The following ARPC1A variants were observed in gnomAD, a reference collection of about 807,000 sequenced individuals.
The protein encoded by ARPC1A is actin-related protein 2/3 complex subunit 1A.
ARPC1A carries 8 observed loss-of-function variants against 46.9 expected under a neutral mutation model. The ratio of observed to expected loss-of-function variants is 0.17; its 90% CI spans 0.10 to 0.31. The LOEUF is 0.31. Among genes scored for constraint, ARPC1A ranks in the 10% least tolerant of loss-of-function variants. The probability of loss-of-function intolerance (pLI) is 1.00; values close to 1 mark genes in which losing one functional copy is unlikely to be tolerated. For missense variants in ARPC1A, 286 were observed against 483.6 expected (o/e 0.59, Z 3.83); for synonymous variants, 152 against 169.0 (o/e 0.90, Z 0.78).
At chr7:99,329,673 A>G (rs1165178915) in intron 1 of ARPC1A, among the ~76,000 whole-genome samples, 1 of 152,254 alleles carries the variant, frequency 6.6e-6, no homozygotes, top group Admixed American at 6.5e-5. Flanking sequence ...ATATGGCAAA[A>G]TTAGAAATGC....
rs113463678 is a variant in ARPC1A at position 99,354,354 on chromosome 7, C to T, written c.713+233C>T. ...TGGCCAAGATGGTGAAACCCTGTCT[C>T]TACTAAAAATAAAAAAAATTATCCA... On this transcript the variant is annotated intron_variant, in intron 6 of 9. Coordinates refer to ENST00000262942, the MANE Select transcript of ARPC1A (RefSeq NM_006409.4). 8.1e-3 allele frequency among the ~76,000 whole-genome samples: 1,226 copies of T among 151,300 alleles called. 17 individuals are homozygous for T. The highest frequency in any genetic ancestry group is 0.026 in the African/African-American group (1,084 of 41,214).
intron 9 of ARPC1A, 148 bp downstream of exon 9, chr7:99,363,781 C>G: frequency 1.6e-6 from 1 of 609,730 alleles, no homozygotes; most frequent in Non-Finnish European, 2.8e-6. Context: ...CTCCAGCAGC[C>G]CTCCCACCTC....
Position 99,354,011 on chromosome 7 carries a change from T to C in ARPC1A, c.603T>C (p.Ser201=), listed in dbSNP as rs372313254. The change falls in exon 6 of 10, where the codon AGT becomes AGC. Residue 201 remains serine, a synonymous_variant. Transcript: ENST00000262942. ...AGCTGATGTCAGAGTTTGGTGGCAG[T>C]GGCACTGGTGGCTGGGTCCACGGGG... is the stretch of plus-strand genomic sequence containing the variant. ...FGQLMSEFGG[S]GTGGWVHGVS... The C allele has an allele frequency of 1.2e-5, 20 of 1,613,912 alleles. No individual in the cohort carries two copies. The highest frequency in any genetic ancestry group is 1.5e-5 in the Non-Finnish European group (18 of 1,179,908).
rs1331675803 is a variant in ARPC1A at position 99,366,025 on chromosome 7, T to G, written c.*96T>G. 7.1e-7 allele frequency: 1 copy of G among 1,400,330 alleles called. No individual in the cohort carries two copies. Among genetic ancestry groups the G allele is most frequent in the Non-Finnish European group, 9.8e-7 (1 of 1,016,908 alleles). 86.7% of individuals were successfully genotyped at this position (1,400,330 alleles called of 1,614,324 possible). A position where few individuals can be genotyped will look rare whatever the true frequency, so the allele number is the denominator to read the frequency against. ...GAGGAAGCCAGCCCCAAGGAAACAC[T>G]GAAAACACATATCACGCCAATGCCG... On this transcript the variant is annotated 3_prime_UTR_variant, in exon 10 of 10. Transcript: ENST00000262942.
chr7:99,359,456 G>T, intron 7 of ARPC1A, 89 bp from the exon 8 acceptor site: 93 of 1,078,856 alleles, frequency 8.6e-5, no homozygotes, highest in Non-Finnish European at 1.1e-4. Flanking sequence ...AAAAAAAAGA[G>T]TAAGAGAGGC....
At chr7:99,331,587 T>C (rs1231824604) in intron 1 of ARPC1A, among the ~76,000 whole-genome samples, 1 of 152,202 alleles carries the variant, frequency 6.6e-6, no homozygotes, top group Non-Finnish European at 1.5e-5. Flanking sequence ...TAATTTTCCC[T>C]GTTATACAAA....
intron 6 of ARPC1A, among the ~76,000 whole-genome samples, chr7:99,354,476 A>AT (rs964953037): frequency 4.9e-4 from 72 of 146,548 alleles, no homozygotes; most frequent in African/African-American, 1.8e-3. Context: ...AGCCAAGATC[A>AT]TGCCACTGTA....
At chr7:99,349,581 G>T (rs59725656) in intron 5 of ARPC1A, among the ~76,000 whole-genome samples, 4 of 151,842 alleles carry the variant, frequency 2.6e-5, no homozygotes, top group Non-Finnish European at 5.9e-5. Context: ...GCTCACGCCC[G>T]TAATCCCAGC....
rs1584390258 is a variant in ARPC1A, at chr7:99,365,785, G to A, written c.1075-106G>A. The A allele has an allele frequency of 1.8e-5, 22 of 1,242,242 alleles. No homozygotes were observed. In the South Asian group the frequency reaches 2.7e-4, roughly 15 times the overall value. 77.0% of individuals were successfully genotyped at this position (1,242,242 alleles called of 1,614,324 possible). A position where few individuals can be genotyped will look rare whatever the true frequency, so the allele number is the denominator to read the frequency against. On this transcript the variant is annotated intron_variant, in intron 9 of 9. Coordinates refer to ENST00000262942, the MANE Select transcript of ARPC1A (RefSeq NM_006409.4). ...TTCAGGTGGGGCAGGGCCAGGTTCAGGGTGGGGACAGGCAGAACCTTCCCT... is the reference window on the plus strand; with the variant it reads ...TTCAGGTGGGGCAGGGCCAGGTTCAAGGTGGGGACAGGCAGAACCTTCCCT...
At chr7:99,333,589 A>T (rs1204473502) in intron 2 of ARPC1A, among the ~76,000 whole-genome samples, 172 bp downstream of exon 2, 1 of 152,194 alleles carries the variant, frequency 6.6e-6, no homozygotes, top group Non-Finnish European at 1.5e-5. Flanking sequence ...AGATAAACTG[A>T]GGCCCAGAGT....
intron 6 of ARPC1A, among the ~76,000 whole-genome samples, chr7:99,355,624 G>A (rs1281082657): frequency 6.7e-6 from 1 of 149,438 alleles, no homozygotes; most frequent in Non-Finnish European, 1.5e-5. Flanking sequence ...GGTGCCTATA[G>A]TCCCAGCTAC....
At chr7:99,365,047 G>A (rs919913437) in intron 9 of ARPC1A, among the ~76,000 whole-genome samples, 5 of 152,154 alleles carry the variant, frequency 3.3e-5, no homozygotes, top group Admixed American at 2.0e-4. Context: ...AGCATCCTCG[G>A]CTGCAAGTGC....
At chr7:99,328,324 A>G (rs6975099) in intron 1 of ARPC1A, among the ~76,000 whole-genome samples, 53,124 of 152,114 alleles carry the variant, frequency 0.35, 15,474 homozygotes, top group African/African-American at 0.8. Flanking sequence ...AGCTGAGATC[A>G]CACCATTTCA....
Position 99,334,036 on chromosome 7 carries a change from T to C in ARPC1A, c.64+619T>C, listed in dbSNP as rs538912628. On this transcript the variant is annotated intron_variant, in intron 2 of 9. Coordinates refer to ENST00000262942, the MANE Select transcript of ARPC1A (RefSeq NM_006409.4). ...ACACACACACACACACACACATATA[T>C]ATGTATTTTTTTTTTTTGAGACAGA... Among the ~76,000 whole-genome samples the C allele has an allele frequency of 6.5e-3, 884 of 135,464 alleles. 14 individuals are homozygous for C. The highest frequency in any genetic ancestry group is 0.029 in the African/African-American group (847 of 29,392). 88.9% of individuals were successfully genotyped at this position (135,464 alleles called of 152,430 possible).
At chr7:99,338,156 A>G in intron 2 of ARPC1A, 25 bp from the exon 3 acceptor site, 1 of 1,539,950 alleles carries the variant, frequency 6.5e-7, no homozygotes, top group Middle Eastern at 1.7e-4. Flanking sequence ...TCAGGTGTTA[A>G]CTGTTGTTTG....
chr7:99,357,943 G>A (rs1393409351), intron 6 of ARPC1A, among the ~76,000 whole-genome samples: 1 of 152,204 alleles, frequency 6.6e-6, no homozygotes, highest in Admixed American at 6.5e-5. Context: ...TCCTAGCACA[G>A]GTGTCTGCTG....
rs1385482184 is a variant in ARPC1A, at chr7:99,359,739, G to A, written c.983+1G>A. 2 of 1,614,046 alleles carry A rather than the reference G, an allele frequency of 1.2e-6. No homozygotes were observed. The highest frequency in any genetic ancestry group is 1.7e-5 in the Admixed American group (1 of 60,006). On this transcript the variant is annotated splice_donor_variant, in intron 8 of 9. Coordinates refer to ENST00000262942, the MANE Select transcript of ARPC1A (RefSeq NM_006409.4). LOFTEE classifies it high-confidence loss of function. ...AGACGCTGCACCAGAATAGCATCAC[G>A]TAGGTGCCGTCTGTAGAGAGGTGGT... is the stretch of plus-strand genomic sequence containing the variant.
At chr7:99,365,556 G>A (rs1437255113) in intron 9 of ARPC1A, among the ~76,000 whole-genome samples, 1 of 151,840 alleles carries the variant, frequency 6.6e-6, no homozygotes, top group Non-Finnish European at 1.5e-5. Flanking sequence ...GGAGGCTGCA[G>A]TGAGCTGTGG....
At chr7:99,349,694 G>A (rs2150868469) in intron 5 of ARPC1A, among the ~76,000 whole-genome samples, 1 of 152,224 alleles carries the variant, frequency 6.6e-6, no homozygotes, top group African/African-American at 2.4e-5. Flanking sequence ...CAAAAAATTA[G>A]CCGGGCGTGG....
Sources: gnomAD v4.1 joint callset for allele counts (sites outside exome capture counted in the v4.1 genomes callset) on GRCh38, gnomAD v4.1.1 for gene constraint, MANE v1.5 for transcripts, NCBI Gene and HGNC (gene_info 2026-07-23, HGNC 2026-07-21) for gene names.